The following NOMO1 variants were observed in gnomAD, a reference collection of about 807,000 sequenced individuals.
NOMO1 encodes the protein NODAL modulator 1.
In NOMO1, 40 loss-of-function variants were observed where a neutral mutation model predicts 133.8. The ratio of observed to expected loss-of-function variants is 0.30; its 90% CI spans 0.23 to 0.39. NOMO1 has a LOEUF of 0.39. Ranked by LOEUF, NOMO1 falls within the 10% of genes least tolerant of loss-of-function variation. The pLI, the probability that NOMO1 is intolerant of heterozygous loss-of-function variation, is 1.00. For synonymous variants in NOMO1, 236 were observed against 570.5 expected (o/e 0.41, Z 8.36); for missense variants, 462 against 1,419.9 (o/e 0.33, Z 10.84).
Position 14,866,106 on chromosome 16 carries a change from G to A in NOMO1, c.1670-449G>A, listed in dbSNP as rs536734747. Among the ~76,000 whole-genome samples, 44 of 147,992 alleles carry A rather than the reference G, an allele frequency of 3.0e-4. 2 individuals carry two copies. The South Asian group carries it at 4.9e-3, about 16-fold the overall frequency. On this transcript the variant is annotated intron_variant, in intron 14 of 30. Transcript: ENST00000287667. ...TTAGCCTCGCTCTGTCACCCAGGCCGGAGTGTGGTGGCGCGACCTTGGCTC... is the reference window on the plus strand; with the variant it reads ...TTAGCCTCGCTCTGTCACCCAGGCCAGAGTGTGGTGGCGCGACCTTGGCTC...
chr16:14,833,732 C>G lies in NOMO1; in HGVS notation c.-120C>G. 8.8e-7 allele frequency: 1 copy of G among 1,135,392 alleles called. No individual in the cohort carries two copies. The highest frequency in any genetic ancestry group is 1.1e-6 in the Non-Finnish European group (1 of 885,902). The allele number at this position is 1,135,392 out of a possible 1,614,324, so 70.3% of individuals were successfully genotyped here. A position where few individuals can be genotyped will look rare whatever the true frequency, so the allele number is the denominator to read the frequency against. On this transcript the variant is annotated 5_prime_UTR_variant, in exon 1 of 31. Transcript: ENST00000287667. Reference sequence around the variant, plus strand: ...CGCGCGTGCGCGGCGGCTCTGGCGGCGGCGGTGGGGCGGGGCCTGGGCTGT... The same window carrying G: ...CGCGCGTGCGCGGCGGCTCTGGCGGGGGCGGTGGGGCGGGGCCTGGGCTGT...
intron 24 of NOMO1, among the ~76,000 whole-genome samples, chr16:14,881,069 A>G (rs1964235689): frequency 6.6e-6 from 1 of 152,050 alleles, no homozygotes; most frequent in African/African-American, 2.4e-5. Context: ...ATAGATAGAG[A>G]GATGCATACA....
intron 29 of NOMO1, among the ~76,000 whole-genome samples, chr16:14,892,235 A>C (rs1408919747): frequency 6.6e-6 from 1 of 151,480 alleles, no homozygotes; most frequent in Non-Finnish European, 1.5e-5. Flanking sequence ...ACAGAGCAAG[A>C]CTGTTTCAAA....
At chr16:14,880,553 T>C (rs1376467073) in intron 24 of NOMO1, among the ~76,000 whole-genome samples, 1 of 151,006 alleles carries the variant, frequency 6.6e-6, no homozygotes, top group Non-Finnish European at 1.5e-5. Flanking sequence ...GGCTAATTTT[T>C]CTATTTTTAG....
chr16:14,867,187 T>A (rs1375426231), intron 15 of NOMO1, among the ~76,000 whole-genome samples: 3 of 39,576 alleles, frequency 7.6e-5, no homozygotes, highest in Non-Finnish European at 1.7e-4. Flanking sequence ...TTTTTTTTTT[T>A]TTTTTTTTTT....
intron 25 of NOMO1, 50 bp from the exon 26 acceptor site, chr16:14,882,544 G>A (rs568686384): frequency 4.6e-5 from 74 of 1,611,354 alleles, no homozygotes; most frequent in Admixed American, 1.5e-4. Flanking sequence ...GACCAGGCAC[G>A]ATACGACAAG....
intron 3 of NOMO1, among the ~76,000 whole-genome samples, chr16:14,843,763 G>A (rs1051161485): frequency 3.6e-5 from 5 of 138,990 alleles, no homozygotes; most frequent in South Asian, 2.5e-4. Context: ...GTGCAAGCAC[G>A]TGTGTAATTC....
In NOMO1 at chr16:14,875,435, TCAG is replaced by T; in HGVS notation, c.2356+15_2356+17del. 7.4e-7 allele frequency: 1 copy of T among 1,346,708 alleles called. No individual in the cohort carries two copies. The highest frequency in any genetic ancestry group is 1.0e-6 in the Non-Finnish European group (1 of 961,794). 83.4% of individuals were successfully genotyped at this position (1,346,708 alleles called of 1,614,324 possible). A position where few individuals can be genotyped will look rare whatever the true frequency, so the allele number is the denominator to read the frequency against. On this transcript the variant is annotated intron_variant, in intron 20 of 30. Coordinates refer to ENST00000287667, the MANE Select transcript of NOMO1 (RefSeq NM_014287.4). The stretch of plus-strand genomic sequence containing the variant: ...GTTGTCAGTGGAGGTAAATGTCAAC[TCAG>T]CGAGCGAATGTCACACACACCTTTG...
At chr16:14,840,669 T>G (rs2606859) in intron 2 of NOMO1, among the ~76,000 whole-genome samples, 1 of 149,246 alleles carries the variant, frequency 6.7e-6, no homozygotes, top group Non-Finnish European at 1.5e-5. Context: ...AATGAGTTAA[T>G]GTATTGTTTA....
Position 14,857,526 on chromosome 16 carries a change from C to T in NOMO1, c.1091C>T (p.Ser364Leu), listed in dbSNP as rs779704351. ...ACAGTTAAAACAAAAGCTGATGGCT[C>T]ATTCCGCCTTGAGAACATAACCACA... is the stretch of plus-strand genomic sequence containing the variant. ...QIKVKTKADG[S>L]FRLENITTGT... Residue 364 changes from serine to leucine, a missense_variant, in exon 11 of 31, where the codon TCA (serine) becomes TTA (leucine). Physicochemically the swap from Ser to Leu is moderately radical, Grantham distance 145 (BLOSUM62 -2). Coordinates refer to ENST00000287667, the MANE Select transcript of NOMO1 (RefSeq NM_014287.4). The T allele has an allele frequency of 1.9e-6, 3 of 1,610,152 alleles. No homozygotes were observed. Among genetic ancestry groups the T allele is most frequent in the Admixed American group, 1.7e-5 (1 of 59,680 alleles).
intron 18 of NOMO1, among the ~76,000 whole-genome samples, chr16:14,874,766 A>G (rs1241482464): frequency 6.6e-6 from 1 of 151,978 alleles, no homozygotes; most frequent in Non-Finnish European, 1.5e-5. Context: ...TCCATGTCCT[A>G]CATGGAAGCT....
intron 20 of NOMO1, among the ~76,000 whole-genome samples, chr16:14,876,007 C>G (rs1053825962): frequency 6.9e-6 from 1 of 144,014 alleles, no homozygotes; most frequent in African/African-American, 2.5e-5. Context: ...TTGGGGCGGT[C>G]TTTCTCAGTG....
chr16:14,873,800 A>T (rs1964112824), intron 18 of NOMO1, among the ~76,000 whole-genome samples: 1 of 151,366 alleles, frequency 6.6e-6, no homozygotes, highest in African/African-American at 2.4e-5. Context: ...CCCCCTGGGG[A>T]TCTTGTACTC....
intron 11 of NOMO1, 43 bp downstream of exon 11, chr16:14,857,698 G>A (rs374264806): frequency 1.9e-6 from 3 of 1,613,490 alleles, no homozygotes; most frequent in East Asian, 2.2e-5. Flanking sequence ...TAAATATGCT[G>A]GCAGCCAGTG....
At chr16:14,887,277 TTCC>T (rs1964339545) in intron 28 of NOMO1, among the ~76,000 whole-genome samples, 1 of 151,932 alleles carries the variant, frequency 6.6e-6, no homozygotes, top group African/African-American at 2.4e-5. Flanking sequence ...CACAAATCTG[TTCC>T]TCATCATCAA....
intron 26 of NOMO1, among the ~76,000 whole-genome samples, chr16:14,883,396 C>T (rs1359644642): frequency 6.7e-6 from 1 of 149,668 alleles, no homozygotes; most frequent in Non-Finnish European, 1.5e-5. Context: ...GAGTGCAGTG[C>T]CGTGATCTCG....
At chr16:14,842,154 T>C (rs1289141725) in intron 3 of NOMO1, among the ~76,000 whole-genome samples, 2 of 151,360 alleles carry the variant, frequency 1.3e-5, no homozygotes, top group Admixed American at 1.3e-4. Context: ...TCTGTTTTGA[T>C]GTAGTTTACA....
intron 29 of NOMO1, among the ~76,000 whole-genome samples, chr16:14,893,086 G>C (rs1326666925): frequency 6.6e-6 from 1 of 150,552 alleles, no homozygotes. Flanking sequence ...TGTCATAGTT[G>C]AGTAAACTGA....
intron 9 of NOMO1, 50 bp from the exon 10 acceptor site, chr16:14,857,167 C>A (rs757226030): frequency 6.2e-7 from 1 of 1,612,240 alleles, no homozygotes; most frequent in Non-Finnish European, 8.5e-7. Flanking sequence ...CTTTGTGGCT[C>A]TGGCACAGGA....
Sources: gnomAD v4.1 joint callset for allele counts (sites outside exome capture counted in the v4.1 genomes callset) on GRCh38, gnomAD v4.1.1 for gene constraint, MANE v1.5 for transcripts, NCBI Gene and HGNC (gene_info 2026-07-23, HGNC 2026-07-21) for gene names.